The following ITFG1 variants were observed in gnomAD, a reference collection of about 807,000 sequenced individuals.
The protein encoded by ITFG1 is integrin alpha FG-GAP repeat containing 1, also known as T-cell immunomodulatory protein.
A neutral mutation model predicts 81.8 loss-of-function variants in ITFG1; 34 were observed. The ratio of observed to expected loss-of-function variants is 0.42; its 90% CI spans 0.32 to 0.55. The LOEUF is 0.55. ITFG1 is among the 20% of genes least tolerant of loss of function. The probability of loss-of-function intolerance (pLI) is 0.17; values close to 1 mark genes in which losing one functional copy is unlikely to be tolerated. For missense variants in ITFG1, 672 were observed against 755.4 expected (o/e 0.89, Z 1.29); for synonymous variants, 285 against 270.6 (o/e 1.05, Z -0.52).
chr16:47,161,392 A>G (rs16952925), intron 16 of ITFG1, among the ~76,000 whole-genome samples: 4,571 of 152,312 alleles, frequency 0.03, 143 homozygotes, highest in East Asian at 0.11. Flanking sequence ...TGTGGGATAT[A>G]TACTACTTCT....
intron 8 of ITFG1, among the ~76,000 whole-genome samples, chr16:47,332,722 G>T (rs924060618): frequency 6.6e-6 from 1 of 152,158 alleles, no homozygotes; most frequent in Non-Finnish European, 1.5e-5. Flanking sequence ...ACAGGGAGAG[G>T]CAAGACTTGA....
chr16:47,208,659 G>A (rs1965529853), intron 14 of ITFG1, among the ~76,000 whole-genome samples: 2 of 152,196 alleles, frequency 1.3e-5, no homozygotes, highest in South Asian at 2.1e-4. Context: ...AACTTCTAGT[G>A]TGACTCCATG....
chr16:47,433,791 A>ATATATATATG (rs1172594013), intron 5 of ITFG1, among the ~76,000 whole-genome samples: 3 of 143,958 alleles, frequency 2.1e-5, no homozygotes, highest in African/African-American at 7.7e-5. Context: ...ATATATATAT[A>ATATATATATG]TACACACACA....
At chr16:47,450,854 G>A (rs994471314) in intron 5 of ITFG1, among the ~76,000 whole-genome samples, 1 of 152,162 alleles carries the variant, frequency 6.6e-6, no homozygotes, top group African/African-American at 2.4e-5. Context: ...GGAATTGCAA[G>A]ATTCCAGGCA....
chr16:47,389,228 C>A lies in ITFG1; in HGVS notation c.656-13288G>T, dbSNP rs1180587291. Among the ~76,000 whole-genome samples the A allele has an allele frequency of 2.0e-5, 3 of 152,140 alleles. No homozygotes were observed. In the East Asian group the frequency reaches 5.8e-4, roughly 29 times the overall value. The stretch of plus-strand genomic sequence containing the variant: ...AAGCAAATGACCCCTGATAGTAATT[C>A]AAATCCATAGGAAAAAATGGTGCAA... On this transcript the variant is annotated intron_variant, in intron 6 of 17. Coordinates refer to ENST00000320640, the MANE Select transcript of ITFG1 (RefSeq NM_030790.5).
chr16:47,289,120 T>C (rs1966882117), intron 10 of ITFG1, among the ~76,000 whole-genome samples: 1 of 152,182 alleles, frequency 6.6e-6, no homozygotes, highest in Non-Finnish European at 1.5e-5. Context: ...CAAAGAGTTT[T>C]TGTCTTTCAT....
At chr16:47,333,575 G>A (rs1376237465) in intron 8 of ITFG1, among the ~76,000 whole-genome samples, 1 of 152,164 alleles carries the variant, frequency 6.6e-6, no homozygotes, top group East Asian at 1.9e-4. Flanking sequence ...TTTTAATGAA[G>A]TATATAAGCA....
Position 47,311,417 on chromosome 16 carries a change from G to A in ITFG1, c.898-5C>T. The A allele has an allele frequency of 1.3e-6, 2 of 1,585,668 alleles. No individual in the cohort carries two copies. The highest frequency in any genetic ancestry group is 8.6e-7 in the Non-Finnish European group (1 of 1,168,018). On this transcript the variant is annotated splice_region_variant and splice_polypyrimidine_tract_variant and intron_variant, in intron 9 of 17. Transcript: ENST00000320640. ...ATCTTGTAGGACTGGAACCCACTAT[G>A]GATTAAGAGAAAAAGATCAGACTTT...
intron 6 of ITFG1, among the ~76,000 whole-genome samples, chr16:47,390,191 T>A (rs930113453): frequency 6.6e-6 from 1 of 152,138 alleles, no homozygotes. Flanking sequence ...CACACTTAGA[T>A]AAAGGTGGTA....
chr16:47,158,950 G>A lies in ITFG1; in HGVS notation c.1702C>T (p.Leu568=). ...KLYLTPSNIV[L]LTAIALIGVC... ...CCGATGAGAGCTATAGCAGTAAGCA[G>A]AACAATATTACTTGGTGTAAGATAC... Residue 568 remains leucine, a synonymous_variant, in exon 17 of 18, where the codon CTG becomes TTG. Coordinates refer to ENST00000320640, the MANE Select transcript of ITFG1 (RefSeq NM_030790.5). 6.3e-7 allele frequency: 1 copy of A among 1,597,048 alleles called. No individual in the cohort carries two copies. Among genetic ancestry groups the A allele is most frequent in the South Asian group, 1.1e-5 (1 of 88,190 alleles).
At chr16:47,325,768 A>C (rs1967528870) in intron 8 of ITFG1, among the ~76,000 whole-genome samples, 1 of 152,204 alleles carries the variant, frequency 6.6e-6, no homozygotes, top group East Asian at 1.9e-4. Flanking sequence ...CCCAAGACTA[A>C]ACCAGGAAGA....
At chr16:47,251,287 C>T (rs554466129) in intron 12 of ITFG1, among the ~76,000 whole-genome samples, 5 of 152,340 alleles carry the variant, frequency 3.3e-5, no homozygotes, top group African/African-American at 9.6e-5. Flanking sequence ...TAAGGCATCA[C>T]TTCAGCTCTC....
At chr16:47,168,477 G>T (rs1452235643) in intron 14 of ITFG1, among the ~76,000 whole-genome samples, 1 of 151,532 alleles carries the variant, frequency 6.6e-6, no homozygotes, top group East Asian at 1.9e-4. Context: ...GGGCTCCAGT[G>T]ATCCCAGCTC....
At chr16:47,357,648 C>G (rs1478244536) in intron 8 of ITFG1, among the ~76,000 whole-genome samples, 2 of 150,758 alleles carry the variant, frequency 1.3e-5, no homozygotes, top group East Asian at 3.9e-4. Flanking sequence ...AAATGCAATG[C>G]ACAGTATAGT....
chr16:47,408,235 AT>A (rs1968754210), intron 6 of ITFG1, among the ~76,000 whole-genome samples: 1 of 152,168 alleles, frequency 6.6e-6, no homozygotes, highest in South Asian at 2.1e-4. Context: ...ATAATTTTGA[AT>A]TTGATGAATG....
At chr16:47,455,389 TAA>T (rs1194363544) in intron 2 of ITFG1, among the ~76,000 whole-genome samples, 25 of 136,746 alleles carry the variant, frequency 1.8e-4, no homozygotes, top group Admixed American at 1.8e-3. Flanking sequence ...AGTCTGTCTA[TAA>T]AAAAAAAAAC....
chr16:47,429,024 T>G lies in ITFG1; in HGVS notation c.561-126A>C. 9 of 627,188 alleles carry G rather than the reference T, an allele frequency of 1.4e-5. No homozygotes were observed. In the South Asian group the frequency reaches 1.7e-4, roughly 12 times the overall value. 38.9% of individuals were successfully genotyped at this position (627,188 alleles called of 1,614,324 possible). A position where few individuals can be genotyped will look rare whatever the true frequency, so the allele number is the denominator to read the frequency against. ...TTCATTGATATATTCAACATACAAT[T>G]CATTCTCTTAAAGTGCAGTGAGTGG... On this transcript the variant is annotated intron_variant, in intron 5 of 17. Coordinates refer to ENST00000320640, the MANE Select transcript of ITFG1 (RefSeq NM_030790.5).
At chr16:47,256,198 C>A (rs1426025348) in intron 12 of ITFG1, among the ~76,000 whole-genome samples, 2 of 152,278 alleles carry the variant, frequency 1.3e-5, no homozygotes, top group South Asian at 2.1e-4. Flanking sequence ...CTCCTGACTT[C>A]AAGTGCTCTC....
chr16:47,417,759 T>A (rs1296724936), intron 6 of ITFG1, among the ~76,000 whole-genome samples: 1 of 152,216 alleles, frequency 6.6e-6, no homozygotes, highest in Non-Finnish European at 1.5e-5. Flanking sequence ...ATATATGCCA[T>A]ACTTTTTCCA....
Sources: allele counts gnomAD v4.1 joint callset (sites outside exome capture counted in the v4.1 genomes callset), GRCh38; gene constraint gnomAD v4.1.1; transcripts MANE v1.5; gene names NCBI Gene and HGNC (gene_info 2026-07-23, HGNC 2026-07-21).